HORMAD2: variants seen among roughly 807,000 people sequenced by gnomAD.
HORMAD2 encodes HORMA domain-containing protein 2.
Under a neutral mutation model 38.8 loss-of-function variants are expected in HORMAD2, and 45 were observed. The observed-to-expected ratio is 1.16, with a 90% CI of 0.91 to 1.49. HORMAD2 has a LOEUF of 1.49. Among genes scored for constraint, HORMAD2 ranks in the 40% most tolerant of loss-of-function variants. HORMAD2 has a pLI of 0.00. For synonymous variants in HORMAD2, 126 were observed against 122.8 expected, an observed-to-expected ratio of 1.03 and a Z score of -0.17; for missense variants, 338 against 367.0, an observed-to-expected ratio of 0.92 and a Z score of 0.65.
intron 10 of HORMAD2, among the ~76,000 whole-genome samples, chr22:30,132,055 A>G (rs567435961): frequency 6.6e-6 from 1 of 152,380 alleles, no homozygotes; most frequent in Admixed American, 6.5e-5. Context: ...AGATTAAAAC[A>G]AGAGCCTTTT....
At chr22:30,092,415 G>C (rs2068708407) in intron 1 of HORMAD2, among the ~76,000 whole-genome samples, 1 of 116,866 alleles carries the variant, frequency 8.6e-6, no homozygotes, top group Non-Finnish European at 1.7e-5. Context: ...ATTCTTTCTT[G>C]GATGAATAGT....
intron 10 of HORMAD2, among the ~76,000 whole-genome samples, chr22:30,139,331 CCTGT>C (rs963560348): frequency 7.1e-4 from 83 of 117,144 alleles, no homozygotes; most frequent in Non-Finnish European, 7.6e-4. Context: ...ATATAAATAA[CCTGT>C]CTCTCTCTCT....
intron 10 of HORMAD2, among the ~76,000 whole-genome samples, chr22:30,168,313 T>TA (rs1324483836): frequency 2.6e-5 from 4 of 152,200 alleles, no homozygotes; most frequent in Admixed American, 2.6e-4. Flanking sequence ...AATGTTTACC[T>TA]ATATCTGTAT....
rs370684046 is a variant in HORMAD2 at position 30,094,036 on chromosome 22, C to T, written c.51+33C>T. The stretch of plus-strand genomic sequence containing the variant: ...TTAAGAATTAAAAGAAAATCAATGA[C>T]CATTTAGTGAGTTAGTTCAGAATTA... On this transcript the variant is annotated intron_variant, in intron 2 of 10. Coordinates refer to ENST00000336726, the MANE Select transcript of HORMAD2 (RefSeq NM_152510.4). 130 of 1,426,042 alleles carry T rather than the reference C, an allele frequency of 9.1e-5. 1 individual carries two copies. In the African/African-American group the frequency reaches 1.7e-3, roughly 19 times the overall value. 88.3% of individuals were successfully genotyped at this position (1,426,042 alleles called of 1,614,324 possible).
chr22:30,195,338 G>A, the HORMAD2 span, among the ~76,000 whole-genome samples: 1 of 152,104 alleles, frequency 6.6e-6, no homozygotes, highest in East Asian at 1.9e-4. Flanking sequence ...ATTTCAAGGA[G>A]CTCAAAGTAC....
rs151080937 is a variant in HORMAD2 at position 30,094,153 on chromosome 22, C to T, written c.51+150C>T. The T allele has an allele frequency of 1.6e-3, 902 of 554,496 alleles. 3 individuals are homozygous for T. The highest frequency in any genetic ancestry group is 6.7e-3 in the Middle Eastern group (14 of 2,076). 34.3% of individuals were successfully genotyped at this position (554,496 alleles called of 1,614,324 possible). A position where few individuals can be genotyped will look rare whatever the true frequency, so the allele number is the denominator to read the frequency against. Reference sequence around the variant, plus strand: ...CTGGGAGAGTATGTGTACATTTTAACTGCCTAATAGACCAAGGACCAGAAA... The same window carrying T: ...CTGGGAGAGTATGTGTACATTTTAATTGCCTAATAGACCAAGGACCAGAAA... On this transcript the variant is annotated intron_variant, in intron 2 of 10. Coordinates refer to ENST00000336726, the MANE Select transcript of HORMAD2 (RefSeq NM_152510.4).
chr22:30,090,268 T>C (rs1601502326), intron 1 of HORMAD2, among the ~76,000 whole-genome samples: 1 of 151,974 alleles, frequency 6.6e-6, no homozygotes, highest in Non-Finnish European at 1.5e-5. Context: ...GAGGCTGAGG[T>C]GGGAGAATCA....
intron 5 of HORMAD2, chr22:30,105,355 G>T: frequency 1.2e-5 from 2 of 162,348 alleles, no homozygotes; most frequent in South Asian, 1.4e-4. Context: ...TCACATTCTT[G>T]GTCACCTTGT....
intron 10 of HORMAD2, among the ~76,000 whole-genome samples, chr22:30,168,612 A>C (rs1925926319): frequency 6.6e-6 from 1 of 151,996 alleles, no homozygotes; most frequent in Non-Finnish European, 1.5e-5. Context: ...AACTTGGGTA[A>C]TTTTTGTCAT....
intron 10 of HORMAD2, among the ~76,000 whole-genome samples, chr22:30,162,249 G>T (rs933040691): frequency 6.6e-6 from 1 of 151,986 alleles, no homozygotes; most frequent in African/African-American, 2.4e-5. Context: ...GGAGGTCAAG[G>T]TTGCAGTAAG....
rs1303675748 is a variant in HORMAD2, at chr22:30,111,650, C to T, written c.295-146C>T. The T allele has an allele frequency of 9.8e-6, 6 of 611,574 alleles. No homozygotes were observed. In the Admixed American group the frequency reaches 2.1e-4, roughly 21 times the overall value. 37.9% of individuals were successfully genotyped at this position (611,574 alleles called of 1,614,324 possible). A position where few individuals can be genotyped will look rare whatever the true frequency, so the allele number is the denominator to read the frequency against. ...TCAGATACTGAGGGATGACTGTATC[C>T]TTTTTCTTCTGGCCTTCTGGATATT... On this transcript the variant is annotated intron_variant, in intron 5 of 10. Transcript: ENST00000336726.
chr22:30,203,607 G>A, the HORMAD2 span, among the ~76,000 whole-genome samples: 34,140 of 151,948 alleles, frequency 0.22, 4,733 homozygotes, highest in Middle Eastern at 0.39. Flanking sequence ...TCACCCTTCC[G>A]GCACATGCAT....
At chr22:30,113,431 G>T (rs1484223032) in intron 7 of HORMAD2, among the ~76,000 whole-genome samples, 1 of 151,810 alleles carries the variant, frequency 6.6e-6, no homozygotes, top group African/African-American at 2.4e-5. Flanking sequence ...TAGAGATGGG[G>T]TTTCACCGTG....
chr22:30,191,077 A>AT, the HORMAD2 span, among the ~76,000 whole-genome samples: 1 of 152,180 alleles, frequency 6.6e-6, no homozygotes, highest in Non-Finnish European at 1.5e-5. Flanking sequence ...GACTGACATT[A>AT]TGGTGATTTT....
chr22:30,085,013 G>T (rs1184122292), intron 1 of HORMAD2, among the ~76,000 whole-genome samples: 1 of 152,026 alleles, frequency 6.6e-6, no homozygotes, highest in Non-Finnish European at 1.5e-5. Context: ...AAGCATGGTG[G>T]CAGTCGCCTG....
At chr22:30,100,573 A>C (rs1329646943) in intron 3 of HORMAD2, among the ~76,000 whole-genome samples, 1 of 152,218 alleles carries the variant, frequency 6.6e-6, no homozygotes. Context: ...ACAAAAGCCA[A>C]AATAGACAAA....
chr22:30,099,194 C>T (rs187376156), intron 3 of HORMAD2, among the ~76,000 whole-genome samples: 30 of 152,272 alleles, frequency 2.0e-4, no homozygotes, highest in Middle Eastern at 6.8e-3. Flanking sequence ...CCTAGCTAGA[C>T]GCCAGGTGAC....
chr22:30,188,218 G>T, the HORMAD2 span, among the ~76,000 whole-genome samples: 1 of 152,144 alleles, frequency 6.6e-6, no homozygotes, highest in East Asian at 1.9e-4. Flanking sequence ...CAGCCAAAGA[G>T]GTAAACAGCA....
chr22:30,204,377 G>A, the HORMAD2 span, among the ~76,000 whole-genome samples: 9 of 152,150 alleles, frequency 5.9e-5, no homozygotes, highest in Non-Finnish European at 1.2e-4. Context: ...CAAAAAGGGT[G>A]GTTAACACTT....
Sources: allele counts gnomAD v4.1 joint callset (sites outside exome capture counted in the v4.1 genomes callset), GRCh38; gene constraint gnomAD v4.1.1; transcripts MANE v1.5; gene names NCBI Gene and HGNC (gene_info 2026-07-23, HGNC 2026-07-21).